Variants in CCSER1 observed in about 807,000 individuals in gnomAD.
The protein encoded by CCSER1 is serine-rich coiled-coil domain-containing protein 1.
Under a neutral mutation model 82.0 loss-of-function variants are expected in CCSER1, and 41 were observed. That is an observed-to-expected ratio of 0.50 (90% confidence interval 0.39 to 0.65). The LOEUF (loss-of-function observed/expected upper bound fraction) is 0.65. CCSER1 is among the 30% of genes least tolerant of loss of function. The pLI, the probability that CCSER1 is intolerant of heterozygous loss-of-function variation, is 0.00. For synonymous variants in CCSER1, 414 were observed against 383.9 expected (o/e 1.08, Z -0.92); for missense variants, 1,119 against 1,064.2 (o/e 1.05, Z -0.72).
At position 90,614,258 on chromosome 4, in the gene CCSER1, A is replaced by C. The variant is rs549746336; in HGVS notation, c.1725-13767A>C. Among the ~76,000 whole-genome samples the C allele has an allele frequency of 2.0e-5, 3 of 152,220 alleles. No individual in the cohort carries two copies. The East Asian group carries it at 5.8e-4, about 29-fold the overall frequency. ...ATAAATGTGTGTGTTCTGACTGGCT[A>C]TTCCCCTATATCTCTCCCTGTCCTC... is the stretch of plus-strand genomic sequence containing the variant. On this transcript the variant is annotated intron_variant, in intron 5 of 10. Transcript: ENST00000509176.
intron 10 of CCSER1, among the ~76,000 whole-genome samples, chr4:91,561,316 A>C (rs1419682664): frequency 6.6e-6 from 1 of 151,466 alleles, no homozygotes; most frequent in Non-Finnish European, 1.5e-5. Flanking sequence ...CCCCCTCTGC[A>C]AATACACTTG....
intron 10 of CCSER1, among the ~76,000 whole-genome samples, chr4:91,086,968 A>T (rs1723454577): frequency 6.6e-6 from 1 of 152,138 alleles, no homozygotes; most frequent in African/African-American, 2.4e-5. Flanking sequence ...TGAAACATAG[A>T]TAAATCTTTA....
Position 91,144,609 on chromosome 4 carries a change from T to G in CCSER1, c.2217+58615T>G, listed in dbSNP as rs536516078. Among the ~76,000 whole-genome samples, 6 of 151,966 alleles carry G rather than the reference T, an allele frequency of 3.9e-5. No individual in the cohort carries two copies. In the East Asian group the frequency reaches 7.7e-4, roughly 20 times the overall value. On this transcript the variant is annotated intron_variant, in intron 10 of 10. Coordinates refer to ENST00000509176, the MANE Select transcript of CCSER1 (RefSeq NM_001145065.2). ...TGTAAGCATTTAGCACTATAACCTG[T>G]CCTCTTAAAGCTTTTTTTTAATGCA...
At chr4:90,286,526 G>T (rs1303037085) in intron 1 of CCSER1, among the ~76,000 whole-genome samples, 2 of 151,892 alleles carry the variant, frequency 1.3e-5, no homozygotes, top group Non-Finnish European at 1.5e-5. Context: ...TTTCATAAAG[G>T]TTAATATAAC....
intron 3 of CCSER1, among the ~76,000 whole-genome samples, chr4:90,368,001 C>T (rs1746574431): frequency 6.6e-6 from 1 of 151,870 alleles, no homozygotes; most frequent in South Asian, 2.1e-4. Flanking sequence ...ACAGGCCTTT[C>T]CTGTTAGGTT....
intron 6 of CCSER1, among the ~76,000 whole-genome samples, chr4:90,635,616 C>T (rs532681767): frequency 1.8e-4 from 28 of 151,608 alleles, no homozygotes; most frequent in South Asian, 6.2e-4. Context: ...ATAAAGAGTG[C>T]GATAATTCGT....
chr4:90,533,564 G>GT lies in CCSER1; in HGVS notation c.1724+65216dup, dbSNP rs201928013. Among the ~76,000 whole-genome samples the GT allele has an allele frequency of 8.5e-4, 129 of 152,240 alleles. 4 individuals are homozygous for GT. In the East Asian group the frequency reaches 0.022, roughly 26 times the overall value. ...ATCAGTGATTTTTATTCACTCACTG[G>GT]TTTTTTAGAGCTCATAACGATTTGG... On this transcript the variant is annotated intron_variant, in intron 5 of 10. Coordinates refer to ENST00000509176, the MANE Select transcript of CCSER1 (RefSeq NM_001145065.2).
chr4:90,243,645 C>G (rs1309330385), intron 1 of CCSER1, among the ~76,000 whole-genome samples: 1 of 152,072 alleles, frequency 6.6e-6, no homozygotes, highest in Non-Finnish European at 1.5e-5. Flanking sequence ...GTCTCAACCT[C>G]CCAAAGCGCT....
intron 1 of CCSER1, among the ~76,000 whole-genome samples, chr4:90,195,334 A>G (rs1299907977): frequency 1.3e-5 from 2 of 152,066 alleles, no homozygotes; most frequent in East Asian, 3.9e-4. Flanking sequence ...CATATTACTA[A>G]GTGAAAAAAG....
intron 10 of CCSER1, among the ~76,000 whole-genome samples, chr4:91,316,100 C>A (rs746755296): frequency 3.3e-5 from 5 of 151,954 alleles, no homozygotes; most frequent in Non-Finnish European, 7.4e-5. Context: ...CCATGTAGGA[C>A]GTAACTTTGT....
At chr4:90,281,077 G>A (rs568881820) in intron 1 of CCSER1, among the ~76,000 whole-genome samples, 49 of 152,070 alleles carry the variant, frequency 3.2e-4, no homozygotes, top group Middle Eastern at 3.4e-3. Flanking sequence ...GACAAATCTA[G>A]CCTTGTTGTA....
chr4:91,167,442 C>A (rs567521466), intron 10 of CCSER1, among the ~76,000 whole-genome samples: 4 of 152,144 alleles, frequency 2.6e-5, no homozygotes, highest in Non-Finnish European at 5.9e-5. Context: ...TCTCAGCCTC[C>A]CAAAGTGCTG....
intron 10 of CCSER1, among the ~76,000 whole-genome samples, chr4:91,408,106 G>A (rs971186042): frequency 3.3e-5 from 5 of 152,040 alleles, no homozygotes; most frequent in African/African-American, 1.2e-4. Context: ...AATGTCTAGA[G>A]TACAACAGCC....
chr4:90,884,913 C>T (rs893832962), intron 8 of CCSER1, among the ~76,000 whole-genome samples: 1 of 152,022 alleles, frequency 6.6e-6, no homozygotes, highest in Non-Finnish European at 1.5e-5. Flanking sequence ...TAGAAGATTG[C>T]ACAACAATAC....
chr4:90,912,192 C>T (rs530982658), intron 8 of CCSER1, among the ~76,000 whole-genome samples: 1 of 152,326 alleles, frequency 6.6e-6, no homozygotes, highest in East Asian at 1.9e-4. Flanking sequence ...CCAAGTGGAT[C>T]CCTGACCTGC....
intron 10 of CCSER1, among the ~76,000 whole-genome samples, chr4:91,528,220 CCA>C (rs144503790): frequency 0.061 from 9,296 of 152,104 alleles, 398 homozygotes; most frequent in Middle Eastern, 0.099. Flanking sequence ...TGCGCCCAGC[CCA>C]AGTGCTAATA....
rs111536615 is a variant in CCSER1, at chr4:90,925,932, A to C, written c.2172+2485A>C. Among the ~76,000 whole-genome samples the C allele has an allele frequency of 6.1e-3, 921 of 152,206 alleles. 7 individuals carry two copies. The highest frequency in any genetic ancestry group is 0.021 in the African/African-American group (867 of 41,546). ...AGTAACTAGATGTAACTGTAATACT[A>C]AACTTTAGGGCATCTTGCATGTGAA... On this transcript the variant is annotated intron_variant, in intron 9 of 10. Transcript: ENST00000509176.
At chr4:91,442,773 C>A (rs1179857414) in intron 10 of CCSER1, among the ~76,000 whole-genome samples, 1 of 147,990 alleles carries the variant, frequency 6.8e-6, no homozygotes, top group Admixed American at 6.8e-5. Context: ...AACAAATTTA[C>A]AAGAAAAAAA....
At chr4:90,391,830 A>G (rs1751209991) in intron 3 of CCSER1, among the ~76,000 whole-genome samples, 2 of 151,912 alleles carry the variant, frequency 1.3e-5, no homozygotes, top group Non-Finnish European at 2.9e-5. Context: ...TTTTTTTTAT[A>G]TGTGAAAGTT....
Sources: allele counts gnomAD v4.1 joint callset (sites outside exome capture counted in the v4.1 genomes callset), GRCh38; gene constraint gnomAD v4.1.1; transcripts MANE v1.5; gene names NCBI Gene and HGNC (gene_info 2026-07-23, HGNC 2026-07-21).